Variants in RP1 observed in about 807,000 individuals in gnomAD.
RP1 encodes the protein RP1 axonemal microtubule associated.
In RP1, 16 loss-of-function variants were observed where a neutral mutation model predicts 14.8. The observed-to-expected ratio is 1.08, with a 90% CI of 0.73 to 1.65. RP1 has a LOEUF of 1.65. RP1 is among the 40% of genes most tolerant of loss of function. The probability of loss-of-function intolerance (pLI) is 0.00; values close to 1 mark genes in which losing one functional copy is unlikely to be tolerated. For missense variants in RP1, 2,631 were observed against 2,535.0 expected, an observed-to-expected ratio of 1.04 and a Z score of -0.81; for synonymous variants, 876 against 883.6, an observed-to-expected ratio of 0.99 and a Z score of 0.15.
At chr8:54,774,464 G>A (rs893603664), downstream of RP1, among the ~76,000 whole-genome samples, 7 of 152,146 alleles carry the variant, frequency 4.6e-5, no homozygotes, top group Non-Finnish European at 1.0e-4. Flanking sequence ...AAGGAGAGAA[G>A]GTGAGCCAAG....
exon 29 of RP1, chr8:54,870,260 CT>C: frequency 4.4e-6 from 1 of 225,964 alleles, no homozygotes. Flanking sequence ...CTTTCTTTTC[CT>C]TTTTCTTTCA....
chr8:54,711,056 A>G (rs1238981081), intron 15 of RP1, among the ~76,000 whole-genome samples: 1 of 152,178 alleles, frequency 6.6e-6, no homozygotes, highest in Non-Finnish European at 1.5e-5. Context: ...TACAGTATTT[A>G]AAAAATGTAT....
intron 24 of RP1, among the ~76,000 whole-genome samples, chr8:54,793,491 G>A (rs1025170018): frequency 6.6e-6 from 1 of 151,736 alleles, no homozygotes; most frequent in African/African-American, 2.4e-5. Context: ...AATCAAGTGG[G>A]GTTTATCCCT....
chr8:54,627,965 G>T lies in RP1; in HGVS notation c.4083G>T (p.Glu1361Asp). The T allele has an allele frequency of 6.2e-7, 1 of 1,614,084 alleles. No homozygotes were observed. The highest frequency in any genetic ancestry group is 8.5e-7 in the Non-Finnish European group (1 of 1,179,964). Reference sequence around the variant, plus strand: ...CTGATAACTTGGATTCAACTGAAGAGTTAGAAAGAGGTGATGACATTCAGA... The same window carrying T: ...CTGATAACTTGGATTCAACTGAAGATTTAGAAAGAGGTGATGACATTCAGA... ...TYTDNLDSTEELERGDDIQKD... is the reference protein window; with the variant it reads ...TYTDNLDSTEDLERGDDIQKD... The change falls in exon 4 of 4, where the codon GAG (glutamate) becomes GAT (aspartate). Residue 1361 changes from glutamate to aspartate, a missense_variant. Glu to Asp is a conservative substitution (Grantham distance 45, BLOSUM62 2). Transcript: ENST00000220676.
At chr8:54,613,533 T>C (rs1462794163), upstream of RP1, among the ~76,000 whole-genome samples, 1 of 152,240 alleles carries the variant, frequency 6.6e-6, no homozygotes, top group Non-Finnish European at 1.5e-5. Context: ...GAAGTTACAC[T>C]TCTGGTGCTT....
intron 6 of RP1, among the ~76,000 whole-genome samples, chr8:54,662,270 C>T (rs182638518): frequency 4.6e-5 from 7 of 152,234 alleles, no homozygotes; most frequent in Admixed American, 3.9e-4. Flanking sequence ...TAGTTGACTA[C>T]TGGTTAATTT....
In RP1 at chr8:54,746,205, T is replaced by A. The variant is rs559099110; in HGVS notation, c.2808+7176T>A. On this transcript the variant is annotated intron_variant, in intron 19 of 22. Transcript: ENST00000636932. ...GGAAGCCGTTGTTTCTAAACAAGTG[T>A]TTGTTGAAATCATTCCTAGTGTCCC... Among the ~76,000 whole-genome samples, 61 of 152,298 alleles carry A rather than the reference T, an allele frequency of 4.0e-4. No homozygotes were observed. In the South Asian group the frequency reaches 0.011, roughly 28 times the overall value.
chr8:54,864,394 C>T (rs146987937), intron 27 of RP1, among the ~76,000 whole-genome samples: 1 of 152,128 alleles, frequency 6.6e-6, no homozygotes, highest in South Asian at 2.1e-4. Flanking sequence ...AAGGCAAACA[C>T]CAAACAGAAA....
intron 7 of RP1, among the ~76,000 whole-genome samples, chr8:54,672,269 G>C (rs1238711323): frequency 6.6e-6 from 1 of 152,084 alleles, no homozygotes; most frequent in Non-Finnish European, 1.5e-5. Flanking sequence ...AGTTTCTCAG[G>C]TAGCCTTCAG....
chr8:54,648,898 C>T (rs1461460734), intron 3 of RP1: 7 of 903,744 alleles, frequency 7.7e-6, no homozygotes, highest in Non-Finnish European at 1.1e-5. Context: ...CTATCCTGAA[C>T]TCTCCTAGTT....
chr8:54,583,316 A>G lies in RP1; in HGVS notation c.-13+23996A>G, dbSNP rs557761217. Reference sequence around the variant, plus strand: ...CTGGATTACGTTTATTGATTTGTGTATGTTGAACCACCCTTGCATCCCAGG... The same window carrying G: ...CTGGATTACGTTTATTGATTTGTGTGTGTTGAACCACCCTTGCATCCCAGG... On this transcript the variant is annotated intron_variant, in intron 1 of 22. Transcript: ENST00000636932. Among the ~76,000 whole-genome samples the G allele has an allele frequency of 5.3e-5, 8 of 152,234 alleles. No homozygotes were observed. The East Asian group carries it at 9.6e-4, about 18-fold the overall frequency.
intron 24 of RP1, among the ~76,000 whole-genome samples, chr8:54,809,289 A>G (rs1810931926): frequency 6.6e-6 from 1 of 152,196 alleles, no homozygotes; most frequent in South Asian, 2.1e-4. Context: ...ATTCTTACTC[A>G]TACATTCTCT....
exon 26 of RP1, chr8:54,852,721 G>T: frequency 8.1e-7 from 1 of 1,231,996 alleles, no homozygotes; most frequent in Non-Finnish European, 1.0e-6. Context: ...AAGTTTCAGC[G>T]TGGACAGGTA....
intron 19 of RP1, among the ~76,000 whole-genome samples, chr8:54,739,509 C>A (rs978457705): frequency 2.0e-5 from 3 of 151,840 alleles, no homozygotes; most frequent in African/African-American, 7.3e-5. Flanking sequence ...TTTTTAATAG[C>A]ATATTTATGG....
intron 24 of RP1, among the ~76,000 whole-genome samples, chr8:54,813,208 A>G (rs750108736): frequency 1.2e-4 from 18 of 152,218 alleles, no homozygotes; most frequent in Non-Finnish European, 1.8e-4. Flanking sequence ...CATGGTTCCC[A>G]TGGAATACTT....
At chr8:54,676,869 T>C (rs1031969204) in intron 8 of RP1, among the ~76,000 whole-genome samples, 2 of 152,184 alleles carry the variant, frequency 1.3e-5, no homozygotes, top group Admixed American at 1.3e-4. Context: ...TAACATTTTA[T>C]TTTTCCTTAA....
At chr8:54,609,445 C>A (rs893155482) in intron 1 of RP1, among the ~76,000 whole-genome samples, 31 of 152,256 alleles carry the variant, frequency 2.0e-4, no homozygotes, top group African/African-American at 7.0e-4. Flanking sequence ...CAGAGCAAAA[C>A]CTTGTCTTAA....
intron 1 of RP1, among the ~76,000 whole-genome samples, chr8:54,598,112 CAT>C (rs1805190397): frequency 6.6e-6 from 1 of 152,098 alleles, no homozygotes; most frequent in African/African-American, 2.4e-5. Flanking sequence ...AATCATATAG[CAT>C]ATGAGTTCAT....
At chr8:54,676,589 A>G (rs1807299815) in intron 8 of RP1, among the ~76,000 whole-genome samples, 1 of 152,214 alleles carries the variant, frequency 6.6e-6, no homozygotes, top group Non-Finnish European at 1.5e-5. Context: ...ATGCCGGTTA[A>G]TAAGACTTTT....
Sources: allele counts gnomAD v4.1 joint callset (sites outside exome capture counted in the v4.1 genomes callset), GRCh38; gene constraint gnomAD v4.1.1; transcripts MANE v1.5; gene names NCBI Gene and HGNC (gene_info 2026-07-23, HGNC 2026-07-21).